Variants in PCDHGA5 observed in about 807,000 individuals in gnomAD.
PCDHGA5 encodes the protein protocadherin gamma subfamily A, 5, also known as protocadherin gamma-A5.
Under a neutral mutation model 56.7 loss-of-function variants are expected in PCDHGA5, and 36 were observed. The observed-to-expected ratio is 0.64, with a 90% CI of 0.49 to 0.84. PCDHGA5 has a LOEUF of 0.84. Ranked by LOEUF, PCDHGA5 falls within the 40% of genes least tolerant of loss-of-function variation. The pLI, the probability that PCDHGA5 is intolerant of heterozygous loss-of-function variation, is 0.00. For synonymous variants in PCDHGA5, 563 were observed against 520.2 expected (o/e 1.08, Z -1.12); for missense variants, 1,305 against 1,201.5 (o/e 1.09, Z -1.27).
rs1425448852 is a variant in PCDHGA5, at chr5:141,493,717, C to T, written c.2422-1090C>T. Among the ~76,000 whole-genome samples the T allele has an allele frequency of 1.3e-5, 2 of 152,208 alleles. No individual in the cohort carries two copies. The highest frequency in any genetic ancestry group is 3.8e-4 in the East Asian group (2 of 5,202). On this transcript the variant is annotated intron_variant, in intron 1 of 3. Coordinates refer to ENST00000518069, the MANE Select transcript of PCDHGA5 (RefSeq NM_018918.3). This position sits in a 1 kb window ranked among gnomAD's most constrained non-coding sequence, Gnocchi z 4.3. ...CCGATACACCTGGAATGCTAGGTTT[C>T]TGGGTTCTGCTCATATCACTGCCAC...
chr5:141,421,970 A>C, intron 1 of PCDHGA5: 1 of 1,610,928 alleles, frequency 6.2e-7, no homozygotes, highest in Middle Eastern at 1.7e-4. Flanking sequence ...CAGTCCGTAT[A>C]TCGCGTGAGT....
intron 1 of PCDHGA5, chr5:141,394,693 G>T (rs1310404999): frequency 1.2e-6 from 2 of 1,612,890 alleles, no homozygotes; most frequent in African/African-American, 1.3e-5. Context: ...GGCGAGGTGC[G>T]CACGGCGCGA....
In PCDHGA5 at chr5:141,477,815, G is replaced by C; in HGVS notation, c.2422-16992G>C. On this transcript the variant is annotated intron_variant, in intron 1 of 3. Coordinates refer to ENST00000518069, the MANE Select transcript of PCDHGA5 (RefSeq NM_018918.3). The surrounding 1 kb of genome is among the most constrained non-coding windows in gnomAD (Gnocchi z 4.9). ...TGATCGCAATGACAATGCCCCCCAG[G>C]TCCTATATCCTCGGCCAGGTGGGAG... 1 of 1,614,106 alleles carries C rather than the reference G, an allele frequency of 6.2e-7. No homozygotes were observed. Among genetic ancestry groups the C allele is most frequent in the Non-Finnish European group, 8.5e-7 (1 of 1,180,034 alleles).
rs368884524 is a variant in PCDHGA5 at position 141,409,933 on chromosome 5, G to A, written c.2421+43182G>A. On this transcript the variant is annotated intron_variant, in intron 1 of 3. Coordinates refer to ENST00000518069, the MANE Select transcript of PCDHGA5 (RefSeq NM_018918.3). ...CTGACGGCTCCGCGTTCTTCGATAT[G>A]GTACCTCGCTCTGCAGAGCCCGGCT... 50 of 1,613,236 alleles carry A rather than the reference G, an allele frequency of 3.1e-5. No homozygotes were observed. The highest frequency in any genetic ancestry group is 4.1e-5 in the Non-Finnish European group (48 of 1,179,790).
intron 1 of PCDHGA5, chr5:141,394,655 G>A (rs780779279): frequency 2.7e-5 from 43 of 1,613,284 alleles, no homozygotes; most frequent in Admixed American, 5.0e-5. Flanking sequence ...CCAGCGAGCC[G>A]GGACTCTTCT....
intron 1 of PCDHGA5, chr5:141,417,646 C>G: frequency 1.3e-6 from 1 of 797,874 alleles, no homozygotes. Context: ...GATCCCTCAG[C>G]CTCTAGCCTG....
intron 1 of PCDHGA5, chr5:141,421,189 C>T: frequency 1.4e-6 from 2 of 1,477,674 alleles, no homozygotes; most frequent in South Asian, 2.7e-5. Flanking sequence ...CACAACCAAC[C>T]AGCTCGAGAA....
In PCDHGA5 at chr5:141,374,216, G is replaced by A. The variant is rs745786041; in HGVS notation, c.2421+7465G>A. On this transcript the variant is annotated intron_variant, in intron 1 of 3. Transcript: ENST00000518069. The stretch of plus-strand genomic sequence containing the variant: ...CGAGGAGCTGGAGAAAGGCTCCTTC[G>A]TAGGCAACATCGTCAAGGATCTGGG... The A allele has an allele frequency of 5.6e-6, 9 of 1,613,860 alleles. No individual in the cohort carries two copies. In the South Asian group the frequency reaches 7.7e-5, roughly 14 times the overall value.
At chr5:141,375,133 A>G in intron 1 of PCDHGA5, 2 of 1,613,958 alleles carry the variant, frequency 1.2e-6, no homozygotes, top group Non-Finnish European at 1.7e-6. Flanking sequence ...TGGTTGTTAC[A>G]TCTGGAAGCA....
At chr5:141,385,426 T>G (rs1781187652) in intron 1 of PCDHGA5, 1 of 1,460,770 alleles carries the variant, frequency 6.8e-7, no homozygotes. Flanking sequence ...TTAAAAAACT[T>G]TATAGAGGTA....
At chr5:141,507,810 G>C (rs550331241) in intron 3 of PCDHGA5, among the ~76,000 whole-genome samples, 5 of 152,172 alleles carry the variant, frequency 3.3e-5, no homozygotes, top group Non-Finnish European at 2.9e-5. Context: ...CCTGGGGAAC[G>C]GACCCTGGGG....
intron 1 of PCDHGA5, among the ~76,000 whole-genome samples, chr5:141,438,019 G>A (rs1031334687): frequency 1.3e-5 from 2 of 152,104 alleles, no homozygotes; most frequent in Non-Finnish European, 2.9e-5. Context: ...GAGATTACAG[G>A]TGTGAGCCAC....
At chr5:141,415,056 G>C in intron 1 of PCDHGA5, 2 of 1,613,416 alleles carry the variant, frequency 1.2e-6, no homozygotes, top group Non-Finnish European at 1.7e-6. Flanking sequence ...GGGAGCACAC[G>C]GGCGAGGTGC....
intron 1 of PCDHGA5, among the ~76,000 whole-genome samples, chr5:141,425,045 C>T (rs1374682125): frequency 6.6e-6 from 1 of 152,136 alleles, no homozygotes; most frequent in East Asian, 1.9e-4. Context: ...TGTAAACTGA[C>T]TATCTAGGGC....
chr5:141,469,962 C>T (rs943032320), intron 1 of PCDHGA5, among the ~76,000 whole-genome samples: 8 of 152,134 alleles, frequency 5.3e-5, no homozygotes, highest in African/African-American at 1.9e-4. Flanking sequence ...GAAACCCCAT[C>T]TGTACCAAAA....
chr5:141,389,481 C>A, intron 1 of PCDHGA5: 1 of 1,613,080 alleles, frequency 6.2e-7, no homozygotes, highest in Non-Finnish European at 8.5e-7. Context: ...ACTGCAGGCC[C>A]GCGACCAGGG....
At chr5:141,375,501 C>T in intron 1 of PCDHGA5, 1 of 1,614,040 alleles carries the variant, frequency 6.2e-7, no homozygotes, top group Non-Finnish European at 8.5e-7. Flanking sequence ...TCCATCTTCT[C>T]TGTGAATGCA....
At chr5:141,499,689 CTTTTTTTTTTT>C in intron 2 of PCDHGA5, among the ~76,000 whole-genome samples, 1 of 119,852 alleles carries the variant, frequency 8.3e-6, no homozygotes, top group Non-Finnish European at 1.7e-5. Context: ...TAACAGATGA[CTTTTTTTTTTT>C]TTTTTTTTTT....
At chr5:141,427,938 G>A in intron 1 of PCDHGA5, 1 of 1,584,968 alleles carries the variant, frequency 6.3e-7, no homozygotes, top group South Asian at 1.1e-5. Context: ...GTTGGTGGGC[G>A]ACCTCAATGA....
Sources: allele counts gnomAD v4.1 joint callset (sites outside exome capture counted in the v4.1 genomes callset), GRCh38; gene constraint gnomAD v4.1.1; non-coding constraint Gnocchi (gnomAD v3.1); transcripts MANE v1.5; gene names NCBI Gene and HGNC (gene_info 2026-07-23, HGNC 2026-07-21).